The following WWOX variants were observed in gnomAD, a reference collection of about 807,000 sequenced individuals.
WWOX encodes WW domain-containing oxidoreductase.
Under a neutral mutation model 46.2 loss-of-function variants are expected in WWOX, and 69 were observed. That is an observed-to-expected ratio of 1.49 (90% CI 1.23 to 1.82). WWOX has a LOEUF of 1.82. Ranked by LOEUF, WWOX falls within the 40% of genes most tolerant of loss-of-function variation. WWOX has a pLI of 0.00. For synonymous variants in WWOX, 359 were observed against 202.6 expected, an observed-to-expected ratio of 1.77 and a Z score of -6.56; for missense variants, 919 against 542.6, an observed-to-expected ratio of 1.69 and a Z score of -6.89.
At chr16:78,654,496 TGGC>T (rs2047037096) in intron 8 of WWOX, among the ~76,000 whole-genome samples, 1 of 152,196 alleles carries the variant, frequency 6.6e-6, no homozygotes, top group African/African-American at 2.4e-5. Flanking sequence ...TTAATAAAAG[TGGC>T]AGAAAAGAAA....
chr16:78,849,219 G>A (rs991983365), intron 8 of WWOX, among the ~76,000 whole-genome samples: 4 of 152,144 alleles, frequency 2.6e-5, no homozygotes, highest in African/African-American at 4.8e-5. Flanking sequence ...TCACCTTTGG[G>A]CATGTTGCTA....
At chr16:79,070,528 T>G (rs781020770) in intron 8 of WWOX, among the ~76,000 whole-genome samples, 19 of 152,114 alleles carry the variant, frequency 1.2e-4, no homozygotes, top group Non-Finnish European at 4.4e-5. Context: ...TCTATCATGA[T>G]TGTACACAGA....
chr16:78,673,255 G>C (rs1597426351), intron 8 of WWOX, among the ~76,000 whole-genome samples: 1 of 152,162 alleles, frequency 6.6e-6, no homozygotes, highest in South Asian at 2.1e-4. Flanking sequence ...GGAAGTGAAA[G>C]GCACTGGAGA....
intron 8 of WWOX, among the ~76,000 whole-genome samples, chr16:79,127,535 C>T (rs2049784035): frequency 6.6e-6 from 1 of 152,104 alleles, no homozygotes; most frequent in African/African-American, 2.4e-5. Context: ...TGGGTTGTTC[C>T]CAGCCTTTTG....
chr16:79,152,223 C>A (rs921427876), intron 8 of WWOX, among the ~76,000 whole-genome samples: 2 of 152,182 alleles, frequency 1.3e-5, no homozygotes, highest in African/African-American at 4.8e-5. Context: ...ATTCGCTGAC[C>A]CATGCTGGCA....
chr16:78,360,028 A>G (rs1481210547), intron 5 of WWOX, among the ~76,000 whole-genome samples: 1 of 152,240 alleles, frequency 6.6e-6, no homozygotes, highest in Non-Finnish European at 1.5e-5. Flanking sequence ...TCAGGAAACA[A>G]ACTTTTTAAA....
intron 8 of WWOX, among the ~76,000 whole-genome samples, chr16:78,893,410 A>C: frequency 6.6e-6 from 1 of 151,920 alleles, no homozygotes. Context: ...TTTATGTTTA[A>C]ATAGTTTGGA....
chr16:78,661,064 T>C (rs989175163), intron 8 of WWOX, among the ~76,000 whole-genome samples: 1 of 152,228 alleles, frequency 6.6e-6, no homozygotes, highest in African/African-American at 2.4e-5. Context: ...TTTGGTCTGC[T>C]TGAGCAAGGA....
chr16:78,887,469 AC>A (rs2044490367), intron 8 of WWOX, among the ~76,000 whole-genome samples: 5 of 886 alleles, frequency 5.6e-3, no homozygotes. Context: ...AGTATATAAA[AC>A]ACACACACAC....
At chr16:79,042,728 G>T (rs954023368) in intron 8 of WWOX, among the ~76,000 whole-genome samples, 9 of 143,122 alleles carry the variant, frequency 6.3e-5, no homozygotes, top group Non-Finnish European at 9.1e-5. Flanking sequence ...AATACTCAGG[G>T]TTTTTTTTTT....
intron 8 of WWOX, among the ~76,000 whole-genome samples, chr16:78,630,226 G>C (rs1220302647): frequency 6.6e-6 from 1 of 152,162 alleles, no homozygotes; most frequent in Non-Finnish European, 1.5e-5. Context: ...CCAGGCACTG[G>C]GGTCCTATTT....
intron 5 of WWOX, among the ~76,000 whole-genome samples, chr16:78,284,570 A>C (rs1003392740): frequency 6.6e-6 from 1 of 152,188 alleles, no homozygotes; most frequent in African/African-American, 2.4e-5. Flanking sequence ...TTTCTTGGAC[A>C]CAGTCTCATC....
chr16:78,891,951 G>A (rs769045040), intron 8 of WWOX: 5 of 152,184 alleles, frequency 3.3e-5, no homozygotes, highest in Non-Finnish European at 7.4e-5. Context: ...GTAGGTCGGG[G>A]AGGTCTTCCC....
At chr16:79,206,527 C>G (rs760531857) in intron 8 of WWOX, 2 of 152,176 alleles carry the variant, frequency 1.3e-5, no homozygotes, top group Non-Finnish European at 2.9e-5. Context: ...TTACAAAGCT[C>G]TCCATGCAGA....
chr16:79,092,633 T>C (rs1405465024), intron 8 of WWOX, among the ~76,000 whole-genome samples: 1 of 152,162 alleles, frequency 6.6e-6, no homozygotes. Flanking sequence ...AACCCCTTTT[T>C]CCAGTAAAAG....
At chr16:78,418,578 G>T (rs536825077) in intron 6 of WWOX, among the ~76,000 whole-genome samples, 1 of 152,030 alleles carries the variant, frequency 6.6e-6, no homozygotes, top group Non-Finnish European at 1.5e-5. Flanking sequence ...CAAGCCAAAT[G>T]CAGCCACATA....
chr16:78,231,586 T>C (rs920080585), intron 5 of WWOX, among the ~76,000 whole-genome samples: 2 of 152,200 alleles, frequency 1.3e-5, no homozygotes, highest in Non-Finnish European at 2.9e-5. Flanking sequence ...TTTCTTTTTG[T>C]CTTTATGGTG....
At chr16:78,776,022 G>A (rs1463658636) in intron 8 of WWOX, among the ~76,000 whole-genome samples, 1 of 152,192 alleles carries the variant, frequency 6.6e-6, no homozygotes, top group Admixed American at 6.5e-5. Flanking sequence ...ACACAGCTAT[G>A]TGTTCCAAAG....
intron 8 of WWOX, among the ~76,000 whole-genome samples, chr16:78,730,952 T>A (rs2048956059): frequency 6.6e-6 from 1 of 152,138 alleles, no homozygotes; most frequent in Non-Finnish European, 1.5e-5. Context: ...GAATAATACA[T>A]TATTATCATT....
Sources: gnomAD v4.1 joint callset for allele counts (sites outside exome capture counted in the v4.1 genomes callset) on GRCh38, gnomAD v4.1.1 for gene constraint, MANE v1.5 for transcripts, NCBI Gene and HGNC (gene_info 2026-07-23, HGNC 2026-07-21) for gene names.